The following DOCK4 variants were observed in gnomAD, a reference collection of about 807,000 sequenced individuals.
DOCK4 encodes the protein dedicator of cytokinesis 4, also known as dedicator of cytokinesis protein 4.
A neutral mutation model predicts 268.1 loss-of-function variants in DOCK4; 97 were observed. The observed-to-expected ratio is 0.36, with a 90% CI of 0.31 to 0.43. DOCK4 has a LOEUF of 0.43. Ranked by LOEUF, DOCK4 falls within the 20% of genes least tolerant of loss-of-function variation. The pLI, the probability that DOCK4 is intolerant of heterozygous loss-of-function variation, is 1.00. For synonymous variants in DOCK4, 954 were observed against 887.2 expected (o/e 1.08, Z -1.34); for missense variants, 2,145 against 2,455.7 (o/e 0.87, Z 2.67).
chr7:112,127,566 T>TA (rs55792625), intron 1 of DOCK4, among the ~76,000 whole-genome samples: 9 of 151,202 alleles, frequency 6.0e-5, no homozygotes, highest in South Asian at 2.1e-4. Context: ...ATAATAATAA[T>TA]AAAAAAAAAC....
intron 1 of DOCK4, among the ~76,000 whole-genome samples, chr7:112,160,591 C>T (rs1817020741): frequency 6.6e-6 from 1 of 152,174 alleles, no homozygotes; most frequent in African/African-American, 2.4e-5. Context: ...AGACTCTGAA[C>T]ATGGCAGTCA....
rs1795741502 is a variant in DOCK4, at chr7:111,739,437, G to A, written c.5081C>T (p.Ala1694Val). The change falls in exon 48 of 53, where the codon GCT (alanine) becomes GTT (valine). Residue 1694 changes from alanine (A) to valine (V), a missense_variant. Ala to Val is a moderately conservative substitution (Grantham distance 64). Around this residue, in one of 2 missense-constraint regions of DOCK4, gnomAD observed 547 missense variants for 469.0 expected, o/e 1.17. Transcript: ENST00000428084. The part of the protein sequence containing the change: ...STSSLSSTHS[A>V]SPNVTSSAPS... Reference sequence around the variant, plus strand: ...AGCAGAACTTGTCACATTAGGTGAAGCCGAGTGAGTAGAACTCAAGCTTGA... The same window carrying A: ...AGCAGAACTTGTCACATTAGGTGAAACCGAGTGAGTAGAACTCAAGCTTGA... 6.3e-7 allele frequency: 1 copy of A among 1,578,282 alleles called. No homozygotes were observed. Among genetic ancestry groups the A allele is most frequent in the Middle Eastern group, 1.7e-4 (1 of 6,022 alleles).
intron 16 of DOCK4, among the ~76,000 whole-genome samples, chr7:111,878,138 T>G (rs575818552): frequency 1.3e-5 from 2 of 152,210 alleles, no homozygotes; most frequent in Non-Finnish European, 1.5e-5. Flanking sequence ...GGGGGTTTGC[T>G]GTAAGATGCC....
At chr7:111,801,589 G>C (rs981104141) in intron 30 of DOCK4, 1 of 151,508 alleles carries the variant, frequency 6.6e-6, no homozygotes, top group African/African-American at 2.4e-5. Context: ...CTTTATTTTT[G>C]ACCTAGATAT....
chr7:111,781,593 A>G (rs1180615938), intron 35 of DOCK4, among the ~76,000 whole-genome samples: 1 of 152,170 alleles, frequency 6.6e-6, no homozygotes, highest in Non-Finnish European at 1.5e-5. Flanking sequence ...AGGTCTCACT[A>G]TTTTTAGGGA....
chr7:111,782,725 T>A (rs1798864785), intron 35 of DOCK4, 139 bp downstream of exon 35: 1 of 931,668 alleles, frequency 1.1e-6, no homozygotes, highest in Non-Finnish European at 1.6e-6. Context: ...TATGCTTCTC[T>A]TAAAAACACT....
chr7:111,873,447 C>T (rs1378197728), intron 17 of DOCK4, among the ~76,000 whole-genome samples: 1 of 152,150 alleles, frequency 6.6e-6, no homozygotes, highest in Non-Finnish European at 1.5e-5. Flanking sequence ...CGCAGGGCAG[C>T]GGGACCTGGT....
intron 7 of DOCK4, among the ~76,000 whole-genome samples, chr7:111,978,112 C>G (rs373285447): frequency 9.2e-5 from 14 of 152,180 alleles, no homozygotes; most frequent in African/African-American, 2.9e-4. Context: ...TGAGTAAAAT[C>G]AGAAACAGTT....
intron 23 of DOCK4, among the ~76,000 whole-genome samples, chr7:111,855,422 T>C (rs907332100): frequency 4.6e-5 from 7 of 152,124 alleles, no homozygotes; most frequent in Non-Finnish European, 8.8e-5. Context: ...CTGAGGCTTC[T>C]AGGTGGATGG....
chr7:111,891,293 C>T (rs1586282337), intron 16 of DOCK4, among the ~76,000 whole-genome samples: 1 of 152,066 alleles, frequency 6.6e-6, no homozygotes, highest in Admixed American at 6.5e-5. Context: ...TCATTCCAAG[C>T]ATCTCTGTAT....
At chr7:111,794,113 A>G (rs1372527385) in intron 30 of DOCK4, among the ~76,000 whole-genome samples, 1 of 152,190 alleles carries the variant, frequency 6.6e-6, no homozygotes, top group African/African-American at 2.4e-5. Context: ...AGGTTATCCA[A>G]GTAAATATGA....
intron 1 of DOCK4, among the ~76,000 whole-genome samples, chr7:112,134,436 A>T (rs187872904): frequency 1.2e-3 from 185 of 152,304 alleles, no homozygotes; most frequent in African/African-American, 4.4e-3. Context: ...TGTAAACTTA[A>T]TGGCTGGGCA....
intron 27 of DOCK4, among the ~76,000 whole-genome samples, chr7:111,815,815 G>A (rs987002549): frequency 6.6e-6 from 1 of 150,782 alleles, no homozygotes; most frequent in South Asian, 2.1e-4. Context: ...GGGATTACAG[G>A]TGCCCGCCAC....
At chr7:112,165,094 T>C (rs1359330223) in intron 1 of DOCK4, among the ~76,000 whole-genome samples, 1 of 152,162 alleles carries the variant, frequency 6.6e-6, no homozygotes, top group African/African-American at 2.4e-5. Flanking sequence ...CTTTAAAAAT[T>C]ATTTTTATGT....
chr7:111,973,156 C>CATATATATATAT (rs144045255), intron 8 of DOCK4, among the ~76,000 whole-genome samples: 5,816 of 113,404 alleles, frequency 0.051, 143 homozygotes, highest in Middle Eastern at 0.076. Context: ...TATTCCATGG[C>CATATATATATAT]ATATATATAT....
At chr7:111,857,335 A>G (rs1805094337) in intron 23 of DOCK4, among the ~76,000 whole-genome samples, 1 of 152,106 alleles carries the variant, frequency 6.6e-6, no homozygotes, top group African/African-American at 2.4e-5. Context: ...AATCCACAAA[A>G]TCCTTAATGG....
intron 17 of DOCK4, among the ~76,000 whole-genome samples, chr7:111,873,033 C>T (rs577770644): frequency 6.6e-6 from 1 of 152,316 alleles, no homozygotes; most frequent in South Asian, 2.1e-4. Flanking sequence ...GCCTAGCAAC[C>T]AACTCCACCC....
rs145508309 is a variant in DOCK4 at position 111,890,018 on chromosome 7, C to G, written c.1587+5594G>C. Reference sequence around the variant, plus strand: ...AGACGGTATTATTACTATTTTCTTACTGGACCTGAGGGTGTTTCCGAATGT... The same window carrying G: ...AGACGGTATTATTACTATTTTCTTAGTGGACCTGAGGGTGTTTCCGAATGT... On this transcript the variant is annotated intron_variant, in intron 16 of 52. Transcript: ENST00000428084. Among the ~76,000 whole-genome samples, 1,163 of 152,288 alleles carry G rather than the reference C, an allele frequency of 7.6e-3. 23 individuals carry two copies. Among genetic ancestry groups the G allele is most frequent in the African/African-American group, 0.023 (948 of 41,552 alleles).
intron 26 of DOCK4, among the ~76,000 whole-genome samples, chr7:111,825,416 T>C (rs1802319222): frequency 6.6e-6 from 1 of 151,568 alleles, no homozygotes; most frequent in Non-Finnish European, 1.5e-5. Flanking sequence ...GGTATTTCCT[T>C]GACTGTCCTC....
Sources: allele counts gnomAD v4.1 joint callset (sites outside exome capture counted in the v4.1 genomes callset), GRCh38; gene constraint gnomAD v4.1.1; regional missense constraint gnomAD v4.1.1; transcripts MANE v1.5; gene names NCBI Gene and HGNC (gene_info 2026-07-23, HGNC 2026-07-21).